CDKN2B-AS1: variants seen among roughly 807,000 people sequenced by gnomAD.
CDKN2B-AS1 encodes CDKN2B antisense RNA 1 (non-protein coding).
intron 4 of CDKN2B-AS1, among the ~76,000 whole-genome samples, chr9:22,066,696 A>G (rs1019757797): frequency 3.9e-5 from 6 of 152,052 alleles, no homozygotes; most frequent in African/African-American, 1.4e-4. Flanking sequence ...TAAAAAGAAC[A>G]TTCGTATTTT....
At chr9:22,016,285 A>G in intron 1 of CDKN2B-AS1, among the ~76,000 whole-genome samples, 1 of 152,182 alleles carries the variant, frequency 6.6e-6, no homozygotes, top group East Asian at 1.9e-4. Context: ...CCACTGCTCA[A>G]TGAAATAAAA....
intron 1 of CDKN2B-AS1, chr9:22,012,274 G>T: frequency 2.0e-6 from 3 of 1,469,374 alleles, no homozygotes; most frequent in Non-Finnish European, 2.9e-6. Context: ...CCCCTGACAA[G>T]CAGCGTCTGA....
rs79666073 is a variant in CDKN2B-AS1, at chr9:22,031,441, G to A, written n.30-15310G>A. ...TATACCCATTTTAAAGATGAGAAAA[G>A]CAGGTTCATGGATAAAATCTCATAG... is the stretch of plus-strand genomic sequence containing the variant. On this transcript the variant is annotated intron_variant and non_coding_transcript_variant, in intron 1 of 4. Transcript: ENST00000650946. Among the ~76,000 whole-genome samples, 1,372 of 152,264 alleles carry A rather than the reference G, an allele frequency of 9.0e-3. 106 individuals carry two copies. The East Asian group carries it at 0.2, about 22-fold the overall frequency.
chr9:22,005,712 C>T lies in CDKN2B-AS1; in HGVS notation n.29+10551C>T. The T allele has an allele frequency of 3.6e-6, 2 of 562,134 alleles. No individual in the cohort carries two copies. The highest frequency in any genetic ancestry group is 2.1e-5 in the South Asian group (1 of 48,248). The allele number at this position is 562,134 out of a possible 1,614,324, so 34.8% of individuals were successfully genotyped here. ...CCCTCAGAAAACCCTGAAAAGCAAA[C>T]GACCCCTGGAATGTCACACACTCCT... On this transcript the variant is annotated intron_variant and non_coding_transcript_variant, in intron 1 of 4. Transcript: ENST00000650946. The surrounding 1 kb of genome is among the most constrained non-coding windows in gnomAD (Gnocchi z 4.9).
At chr9:22,026,618 CCTT>C (rs1463819596) in intron 1 of CDKN2B-AS1, among the ~76,000 whole-genome samples, 1 of 152,190 alleles carries the variant, frequency 6.6e-6, no homozygotes, top group Non-Finnish European at 1.5e-5. Context: ...GGCCTGTAGA[CCTT>C]CTCTGCTGAT....
chr9:22,104,915 T>C (rs541942063), intron 4 of CDKN2B-AS1, among the ~76,000 whole-genome samples: 1 of 152,282 alleles, frequency 6.6e-6, no homozygotes, highest in South Asian at 2.1e-4. Flanking sequence ...GAGCTATAAA[T>C]TAATCTCCAC....
rs766011722 is a variant in CDKN2B-AS1, at chr9:22,005,977, G to A, written n.29+10816G>A. On this transcript the variant is annotated intron_variant and non_coding_transcript_variant, in intron 1 of 4. Coordinates refer to ENST00000650946, the Ensembl canonical transcript of CDKN2B-AS1. The surrounding 1 kb of genome is among the most constrained non-coding windows in gnomAD (Gnocchi z 4.9). Reference sequence around the variant, plus strand: ...AATAAAGTCGTTGTGGGCGGCTGGGGAACCTGGCGTCAGTCCCCCGTGGCT... The same window carrying A: ...AATAAAGTCGTTGTGGGCGGCTGGGAAACCTGGCGTCAGTCCCCCGTGGCT... 3.8e-5 allele frequency: 61 copies of A among 1,600,624 alleles called. No individual in the cohort carries two copies. Among genetic ancestry groups the A allele is most frequent in the Middle Eastern group, 3.6e-4 (2 of 5,556 alleles).
rs565688322 is a variant in CDKN2B-AS1 at position 22,006,149 on chromosome 9, A to G, written n.29+10988A>G. 5.6e-6 allele frequency: 9 copies of G among 1,611,628 alleles called. No individual in the cohort carries two copies. Among genetic ancestry groups the G allele is most frequent in the African/African-American group, 1.3e-5 (1 of 74,922 alleles). On this transcript the variant is annotated intron_variant and non_coding_transcript_variant, in intron 1 of 4. Coordinates refer to ENST00000650946, the Ensembl canonical transcript of CDKN2B-AS1. The surrounding 1 kb of genome is among the most constrained non-coding windows in gnomAD (Gnocchi z 6.4). ...CCAGGAAGCCCTCCCGGGCAGCATC[A>G]TGCACCGGTCGGGTGAGAGTGGCAG... is the stretch of plus-strand genomic sequence containing the variant.
rs927126044 is a variant in CDKN2B-AS1, at chr9:22,006,300, T to C, written n.29+11139T>C. 39 of 1,597,822 alleles carry C rather than the reference T, an allele frequency of 2.4e-5. No individual in the cohort carries two copies. The highest frequency in any genetic ancestry group is 3.3e-5 in the Non-Finnish European group (39 of 1,179,228). ...CCAGGGTGGGGGCAGGTATGGGAGA[T>C]GCCGGCCGGGGCAAGGCAGGTGGAG... On this transcript the variant is annotated intron_variant and non_coding_transcript_variant, in intron 1 of 4. Transcript: ENST00000650946. This position sits in a 1 kb window ranked among gnomAD's most constrained non-coding sequence, Gnocchi z 6.4.
rs538359253 is a variant in CDKN2B-AS1 at position 22,096,780 on chromosome 9, G to T, written n.439-30323G>T. Among the ~76,000 whole-genome samples the T allele has an allele frequency of 2.6e-5, 4 of 152,206 alleles. No individual in the cohort carries two copies. In the South Asian group the frequency reaches 8.3e-4, roughly 32 times the overall value. On this transcript the variant is annotated intron_variant and non_coding_transcript_variant, in intron 4 of 4. Transcript: ENST00000650946. ...TTATTTCAAGACTCAGAGATTTAGT[G>T]CCTCAGCCTGTTTTGTTCCCTCTCC... is the stretch of plus-strand genomic sequence containing the variant.
chr9:22,017,190 G>T (rs1821804660), intron 1 of CDKN2B-AS1, among the ~76,000 whole-genome samples: 1 of 152,184 alleles, frequency 6.6e-6, no homozygotes. Flanking sequence ...ACTTTGGGAG[G>T]CCGAGGCGCG....
intron 1 of CDKN2B-AS1, among the ~76,000 whole-genome samples, chr9:21,998,622 G>C (rs567370522): frequency 1.4e-4 from 21 of 152,182 alleles, no homozygotes; most frequent in Non-Finnish European, 1.8e-4. Context: ...AAAAACCTGA[G>C]TTAATTGAGT....
chr9:22,033,192 CTT>C (rs1453678548), intron 1 of CDKN2B-AS1, among the ~76,000 whole-genome samples: 2 of 152,122 alleles, frequency 1.3e-5, no homozygotes, highest in African/African-American at 2.4e-5. Flanking sequence ...GAAGAATTGA[CTT>C]TTACGAAACC....
chr9:22,072,773 G>A (rs751743367), intron 4 of CDKN2B-AS1, among the ~76,000 whole-genome samples: 1 of 152,196 alleles, frequency 6.6e-6, no homozygotes, highest in Non-Finnish European at 1.5e-5. Flanking sequence ...CACAGATTTA[G>A]AATTTCAGTT....
intron 4 of CDKN2B-AS1, among the ~76,000 whole-genome samples, chr9:22,062,899 G>A (rs1271966552): frequency 6.6e-6 from 1 of 151,386 alleles, no homozygotes; most frequent in Non-Finnish European, 1.5e-5. Flanking sequence ...GACTACCTTT[G>A]TTTCTGTCTC....
At position 21,999,993 on chromosome 9, in the gene CDKN2B-AS1, A is replaced by G. The variant is rs148073151; in HGVS notation, n.29+4832A>G. 1.5e-3 allele frequency among the ~76,000 whole-genome samples: 229 copies of G among 152,290 alleles called. No individual in the cohort carries two copies. Among genetic ancestry groups the G allele is most frequent in the Middle Eastern group, 6.8e-3 (2 of 294 alleles). On this transcript the variant is annotated intron_variant and non_coding_transcript_variant, in intron 1 of 4. Transcript: ENST00000650946. The surrounding 1 kb of genome is among the most constrained non-coding windows in gnomAD (Gnocchi z 4.7). ...GTAATAGTGGTTACCTTTGGGTAGTAAGAATGAGGGTGGGAAAAATTTCAG... is the reference window on the plus strand; with the variant it reads ...GTAATAGTGGTTACCTTTGGGTAGTGAGAATGAGGGTGGGAAAAATTTCAG...
At chr9:22,045,607 C>T (rs1384017643) in intron 1 of CDKN2B-AS1, among the ~76,000 whole-genome samples, 3 of 151,976 alleles carry the variant, frequency 2.0e-5, no homozygotes, top group African/African-American at 7.2e-5. Flanking sequence ...AGTAGTTGTA[C>T]TGGTGGCAGC....
At chr9:22,008,603 C>T in intron 1 of CDKN2B-AS1, 2 of 1,509,132 alleles carry the variant, frequency 1.3e-6, no homozygotes, top group South Asian at 2.4e-5. Context: ...AAAGCTTAAA[C>T]AGTGGGTTTT....
At chr9:22,124,176 C>G (rs879910272) in intron 4 of CDKN2B-AS1, among the ~76,000 whole-genome samples, 1 of 152,158 alleles carries the variant, frequency 6.6e-6, no homozygotes, top group Non-Finnish European at 1.5e-5. Flanking sequence ...ATTAATTACA[C>G]TTTCTGAGGT....
Sources: allele counts gnomAD v4.1 joint callset (sites outside exome capture counted in the v4.1 genomes callset), GRCh38; gene constraint gnomAD v4.1.1; non-coding constraint Gnocchi (gnomAD v3.1); transcripts MANE v1.5; gene names NCBI Gene and HGNC (gene_info 2026-07-23, HGNC 2026-07-21).